CACNA1H: variants seen among roughly 807,000 people sequenced by gnomAD.
CACNA1H encodes the protein calcium voltage-gated channel subunit alpha1 H.
In CACNA1H, 149 loss-of-function variants were observed where a neutral mutation model predicts 192.5. The ratio of observed to expected loss-of-function variants is 0.77; its 90% CI spans 0.68 to 0.89. The LOEUF (loss-of-function observed/expected upper bound fraction) is 0.89, where lower values mean the gene tolerates loss of function less well. CACNA1H is among the 40% of genes least tolerant of loss of function. CACNA1H has a pLI of 0.00. For missense variants in CACNA1H, 4,257 were observed against 3,423.5 expected, an observed-to-expected ratio of 1.24 and a Z score of -6.08; for synonymous variants, 2,202 against 1,475.2, an observed-to-expected ratio of 1.49 and a Z score of -11.29.
chr16:1,176,794 G>A (rs1028703548), intron 2 of CACNA1H, among the ~76,000 whole-genome samples: 1 of 152,196 alleles, frequency 6.6e-6, no homozygotes, highest in Non-Finnish European at 1.5e-5. Flanking sequence ...CGCCCCGCCG[G>A]GGAGCTGCCT....
At position 1,207,259 on chromosome 16, in the gene CACNA1H, C is replaced by T. The variant is rs540563368; in HGVS notation, c.2908-16C>T. 4.4e-6 allele frequency: 7 copies of T among 1,595,642 alleles called. No individual in the cohort carries two copies. The highest frequency in any genetic ancestry group is 1.1e-5 in the South Asian group (1 of 89,196). On this transcript the variant is annotated splice_polypyrimidine_tract_variant and intron_variant, in intron 13 of 34. Coordinates refer to ENST00000348261, the MANE Select transcript of CACNA1H (RefSeq NM_021098.3). ...GGGGCTGGGGTGACCACCCCAGGCC[C>T]CCTGCTATCCCCCAGATCCTGACCC...
chr16:1,204,376 T>A lies in CACNA1H; in HGVS notation c.2369T>A (p.Val790Glu). Residue 790 changes from valine to glutamate, a missense_variant, in exon 10 of 35, where the codon GTG becomes GAG. By Grantham distance (121) the Val-to-Glu change is moderately radical (BLOSUM62 -2). Coordinates refer to ENST00000348261, the MANE Select transcript of CACNA1H (RefSeq NM_021098.3). ...TTCAGCGGCAAGCTGCGCCGCATCG[T>A]GGACAGCAAGTACTTCAGCCGTGGC... is the stretch of plus-strand genomic sequence containing the variant. ...VTFSGKLRRI[V>E]DSKYFSRGIM... 6.4e-7 allele frequency: 1 copy of A among 1,567,106 alleles called. No homozygotes were observed. The highest frequency in any genetic ancestry group is 8.6e-7 in the Non-Finnish European group (1 of 1,157,892).
intron 2 of CACNA1H, among the ~76,000 whole-genome samples, chr16:1,173,137 G>A (rs1964531530): frequency 6.6e-6 from 1 of 152,192 alleles, no homozygotes; most frequent in Non-Finnish European, 1.5e-5. Flanking sequence ...CAAGTTGGAG[G>A]TCCTAGCGTG....
chr16:1,176,411 G>A (rs931928903), intron 2 of CACNA1H, among the ~76,000 whole-genome samples: 3 of 152,204 alleles, frequency 2.0e-5, no homozygotes, highest in Non-Finnish European at 4.4e-5. Flanking sequence ...GGGGTCGGCC[G>A]CTCCTACTCT....
intron 5 of CACNA1H, 76 bp from the exon 6 acceptor site, chr16:1,198,532 CTCGGGGG>C (rs1967274500): frequency 2.0e-6 from 3 of 1,496,384 alleles, no homozygotes; most frequent in Non-Finnish European, 2.8e-6. Flanking sequence ...GTGGACGGGG[CTCGGGGG>C]TCCCGGGAGG....
intron 2 of CACNA1H, among the ~76,000 whole-genome samples, chr16:1,170,306 G>A (rs896305041): frequency 6.6e-6 from 1 of 152,234 alleles, no homozygotes; most frequent in Non-Finnish European, 1.5e-5. Context: ...CTGGGTTGGG[G>A]AGCTGAGGTC....
rs555859956 is a variant in CACNA1H, at chr16:1,215,776, G to T, written c.5244+183G>T. On this transcript the variant is annotated intron_variant, in intron 30 of 34. Transcript: ENST00000348261. Reference sequence around the variant, plus strand: ...TGGGCTGGCAGAGGTGGATCCAGCCGCTGCCCTCTGGCCTCAATCCTCTGG... The same window carrying T: ...TGGGCTGGCAGAGGTGGATCCAGCCTCTGCCCTCTGGCCTCAATCCTCTGG... Among the ~76,000 whole-genome samples the T allele has an allele frequency of 2.3e-3, 351 of 152,250 alleles. 3 individuals are homozygous for T. Among genetic ancestry groups the T allele is most frequent in the African/African-American group, 8.0e-3 (331 of 41,538 alleles).
chr16:1,203,274 C>T (rs548938770), intron 9 of CACNA1H, among the ~76,000 whole-genome samples: 79 of 152,270 alleles, frequency 5.2e-4, no homozygotes, highest in African/African-American at 1.3e-3. Context: ...CAGGACGGCT[C>T]GATGGTCATT....
Position 1,208,081 on chromosome 16 carries a change from C to A in CACNA1H, c.3223C>A (p.Pro1075Thr). The change falls in exon 16 of 35, where the codon CCC becomes ACC. Residue 1075 changes from proline (P) to threonine (T), a missense_variant. Transcript: ENST00000348261. ...GGAGGGACGAGGCAGCCTGTCCCCT[C>A]CCCTCATCATGTGCACAGCTGCCAC... ...HLEGRGSLSP[P>T]LIMCTAATPM... The A allele has an allele frequency of 6.2e-7, 1 of 1,601,972 alleles. No homozygotes were observed. The highest frequency in any genetic ancestry group is 8.5e-7 in the Non-Finnish European group (1 of 1,175,476).
chr16:1,171,797 C>G (rs1459146823), intron 2 of CACNA1H, among the ~76,000 whole-genome samples: 1 of 152,226 alleles, frequency 6.6e-6, no homozygotes, highest in Non-Finnish European at 1.5e-5. Context: ...TGGGCAGACA[C>G]TACCCCCAAC....
At chr16:1,197,616 A>G (rs923155939) in intron 5 of CACNA1H, among the ~76,000 whole-genome samples, 4 of 152,042 alleles carry the variant, frequency 2.6e-5, no homozygotes, top group Non-Finnish European at 5.9e-5. Flanking sequence ...GTCATCTGTG[A>G]TCTTTGAGGC....
intron 2 of CACNA1H, among the ~76,000 whole-genome samples, chr16:1,155,608 C>T (rs1396052214): frequency 2.0e-5 from 3 of 152,046 alleles, no homozygotes; most frequent in East Asian, 3.9e-4. Flanking sequence ...CAAGCCTGGA[C>T]TCTCTCCTCA....
At chr16:1,175,632 C>T (rs1252275636) in intron 2 of CACNA1H, among the ~76,000 whole-genome samples, 2 of 152,240 alleles carry the variant, frequency 1.3e-5, no homozygotes, top group African/African-American at 2.4e-5. Context: ...ACTCTCATGT[C>T]CGAGAATCTG....
In CACNA1H at chr16:1,180,165, C is replaced by G. The variant is rs1271277528; in HGVS notation, c.300-14807C>G. Among the ~76,000 whole-genome samples, 1 of 152,038 alleles carries G rather than the reference C, an allele frequency of 6.6e-6. No individual in the cohort carries two copies. The highest frequency in any genetic ancestry group is 6.5e-5 in the Admixed American group (1 of 15,276). On this transcript the variant is annotated intron_variant, in intron 2 of 34. Transcript: ENST00000348261. This position sits in a 1 kb window ranked among gnomAD's most constrained non-coding sequence, Gnocchi z 4.4. ...TGGGTGCCCTGGCTGGGTCCCTGTCCCTGCACACCGGGTCAGCCGGCTCCT... is the reference window on the plus strand; with the variant it reads ...TGGGTGCCCTGGCTGGGTCCCTGTCGCTGCACACCGGGTCAGCCGGCTCCT...
intron 2 of CACNA1H, among the ~76,000 whole-genome samples, chr16:1,173,161 C>T (rs983473332): frequency 7.9e-5 from 12 of 152,074 alleles, no homozygotes; most frequent in Non-Finnish European, 1.3e-4. Flanking sequence ...AAGCAGCTGA[C>T]GGGCGCGAGG....
At chr16:1,170,693 C>T (rs1017134975) in intron 2 of CACNA1H, among the ~76,000 whole-genome samples, 2 of 152,104 alleles carry the variant, frequency 1.3e-5, no homozygotes, top group Non-Finnish European at 2.9e-5. Flanking sequence ...ACGATCTGGA[C>T]AGGGATTTCG....
chr16:1,209,417 G>T lies in CACNA1H; in HGVS notation c.3744+5G>T. The T allele has an allele frequency of 1.3e-6, 2 of 1,596,768 alleles. No homozygotes were observed. Among genetic ancestry groups the T allele is most frequent in the Non-Finnish European group, 1.7e-6 (2 of 1,179,034 alleles). On this transcript the variant is annotated splice_donor_5th_base_variant and intron_variant, in intron 17 of 34. Transcript: ENST00000348261. ...CTTGACGACGACTCGGAGGACGTGA[G>T]TGCGTGGCCCTGGGCCCACCGCCGA...
At chr16:1,213,602 C>A (rs192983175) in intron 26 of CACNA1H, among the ~76,000 whole-genome samples, 178 bp from the exon 27 acceptor site, 4 of 152,140 alleles carry the variant, frequency 2.6e-5, no homozygotes, top group African/African-American at 9.6e-5. Context: ...GAGAGAGTCC[C>A]CCTTCTCCAG....
Position 1,220,742 on chromosome 16 carries a change from G to A in CACNA1H, c.6810G>A (p.Pro2270=), listed in dbSNP as rs113064034. ...HLTVPSFAFE[P]LDLGVPSGDP... ...CCGTCCCCAGCTTTGCCTTTGAGCC[G>A]CTGGACCTCGGGGTCCCCAGTGGAG... is the stretch of plus-strand genomic sequence containing the variant. Residue 2270 remains proline (P), a synonymous_variant, in exon 35 of 35, where the codon CCG becomes CCA. Transcript: ENST00000348261. The A allele has an allele frequency of 2.2e-5, 36 of 1,612,364 alleles. No homozygotes were observed. The Admixed American group carries it at 2.3e-4, about 10-fold the overall frequency.
Sources: allele counts gnomAD v4.1 joint callset (sites outside exome capture counted in the v4.1 genomes callset), GRCh38; gene constraint gnomAD v4.1.1; non-coding constraint Gnocchi (gnomAD v3.1); transcripts MANE v1.5; gene names NCBI Gene and HGNC (gene_info 2026-07-23, HGNC 2026-07-21).